Variants in SSBP2 observed in about 807,000 individuals in gnomAD.
SSBP2 encodes single-stranded DNA-binding protein 2.
Under a neutral mutation model 61.8 loss-of-function variants are expected in SSBP2, and 17 were observed. That is an observed-to-expected ratio of 0.28 (90% CI 0.19 to 0.41). SSBP2 has a LOEUF of 0.41. Among genes scored for constraint, SSBP2 ranks in the 10% least tolerant of loss-of-function variants. The pLI, the probability that SSBP2 is intolerant of heterozygous loss-of-function variation, is 1.00. For missense variants in SSBP2, 310 were observed against 458.7 expected (o/e 0.68, Z 2.96); for synonymous variants, 139 against 141.3 (o/e 0.98, Z 0.12).
At chr5:81,671,231 A>G (rs903458596) in intron 1 of SSBP2, among the ~76,000 whole-genome samples, 1 of 152,126 alleles carries the variant, frequency 6.6e-6, no homozygotes, top group African/African-American at 2.4e-5. Flanking sequence ...AAAAACCATT[A>G]TTTGGAGCTA....
chr5:81,745,968 G>A (rs941974482), intron 1 of SSBP2, among the ~76,000 whole-genome samples: 1 of 151,976 alleles, frequency 6.6e-6, no homozygotes, highest in African/African-American at 2.4e-5. Context: ...GGCATATTTG[G>A]TCTATTACTG....
chr5:81,693,369 C>T (rs1193431104), intron 1 of SSBP2, among the ~76,000 whole-genome samples: 1 of 152,074 alleles, frequency 6.6e-6, no homozygotes, highest in Non-Finnish European at 1.5e-5. Context: ...AAAGGACACA[C>T]TGAACAAAGT....
chr5:81,713,501 A>G (rs1295060338), intron 1 of SSBP2, among the ~76,000 whole-genome samples: 8 of 152,214 alleles, frequency 5.3e-5, no homozygotes, highest in East Asian at 1.9e-4. Flanking sequence ...TTGGATTCCA[A>G]ATCACTGCAG....
At chr5:81,628,251 G>A (rs1478791261) in intron 3 of SSBP2, among the ~76,000 whole-genome samples, 1 of 152,150 alleles carries the variant, frequency 6.6e-6, no homozygotes, top group Non-Finnish European at 1.5e-5. Flanking sequence ...GCTGAGCGAA[G>A]GGGGAAGCCC....
At chr5:81,482,390 C>T (rs1457346942) in intron 6 of SSBP2, among the ~76,000 whole-genome samples, 3 of 152,168 alleles carry the variant, frequency 2.0e-5, no homozygotes, top group African/African-American at 4.8e-5. Context: ...CTGACTATGG[C>T]TATGAAAGTT....
chr5:81,559,754 G>A (rs924198469), intron 4 of SSBP2, among the ~76,000 whole-genome samples: 1 of 151,456 alleles, frequency 6.6e-6, no homozygotes, highest in African/African-American at 2.4e-5. Flanking sequence ...ACATATTTAA[G>A]CCATTTTTAT....
chr5:81,438,579 C>T (rs939549741), intron 14 of SSBP2, among the ~76,000 whole-genome samples: 2 of 151,750 alleles, frequency 1.3e-5, no homozygotes, highest in Non-Finnish European at 2.9e-5. Context: ...TATTAAATAC[C>T]GAATGCATAT....
At chr5:81,491,828 T>C (rs998785306) in intron 5 of SSBP2, among the ~76,000 whole-genome samples, 9 of 152,168 alleles carry the variant, frequency 5.9e-5, no homozygotes, top group Non-Finnish European at 1.3e-4. Context: ...ACCTGAAATA[T>C]AAGATTACTA....
At chr5:81,659,424 A>G (rs889653001) in intron 1 of SSBP2, among the ~76,000 whole-genome samples, 2 of 152,188 alleles carry the variant, frequency 1.3e-5, no homozygotes, top group African/African-American at 4.8e-5. Flanking sequence ...CAACTGCTAC[A>G]AACAGAATAA....
chr5:81,679,682 C>T (rs1581326611), intron 1 of SSBP2, among the ~76,000 whole-genome samples: 1 of 152,080 alleles, frequency 6.6e-6, no homozygotes, highest in Non-Finnish European at 1.5e-5. Flanking sequence ...AAAATAAGAA[C>T]AAAGTACAAG....
rs185023592 is a variant in SSBP2, at chr5:81,746,799, G to A, written c.62+4182C>T. Among the ~76,000 whole-genome samples, 14 of 152,134 alleles carry A rather than the reference G, an allele frequency of 9.2e-5. No individual in the cohort carries two copies. In the East Asian group the frequency reaches 2.7e-3, roughly 29 times the overall value. ...GGTATATATTATGTGTATCTTTTAT[G>A]TTCAACTTTGCTTTCTAGCAGATTC... On this transcript the variant is annotated intron_variant, in intron 1 of 16. Coordinates refer to ENST00000320672, the MANE Select transcript of SSBP2 (RefSeq NM_012446.5).
intron 1 of SSBP2, among the ~76,000 whole-genome samples, chr5:81,726,618 A>G (rs1265712519): frequency 6.6e-6 from 1 of 152,150 alleles, no homozygotes; most frequent in Non-Finnish European, 1.5e-5. Flanking sequence ...AGAAAATTAA[A>G]TTCTATATAG....
chr5:81,749,361 G>T (rs1397444846), intron 1 of SSBP2, among the ~76,000 whole-genome samples: 1 of 152,106 alleles, frequency 6.6e-6, no homozygotes, highest in African/African-American at 2.4e-5. Flanking sequence ...TAAATCCTAT[G>T]GGAATTGAGT....
At chr5:81,688,588 G>C (rs1465617976) in intron 1 of SSBP2, among the ~76,000 whole-genome samples, 4 of 152,202 alleles carry the variant, frequency 2.6e-5, no homozygotes, top group African/African-American at 9.6e-5. Context: ...TTGTTTGGAA[G>C]AAAGTAAAGA....
At chr5:81,548,498 T>C (rs1218621978) in intron 4 of SSBP2, among the ~76,000 whole-genome samples, 1 of 152,214 alleles carries the variant, frequency 6.6e-6, no homozygotes, top group Non-Finnish European at 1.5e-5. Context: ...TATTCTATTA[T>C]GGATCTAATG....
At chr5:81,659,265 C>G (rs1403395593) in intron 1 of SSBP2, among the ~76,000 whole-genome samples, 1 of 152,150 alleles carries the variant, frequency 6.6e-6, no homozygotes, top group Non-Finnish European at 1.5e-5. Context: ...ATTTAGAAAA[C>G]TCCAGTGTCT....
intron 9 of SSBP2, among the ~76,000 whole-genome samples, chr5:81,465,481 C>T (rs1297613231): frequency 6.6e-6 from 1 of 151,902 alleles, no homozygotes; most frequent in East Asian, 1.9e-4. Flanking sequence ...CAATTTTTTT[C>T]TCTGAACAGG....
chr5:81,550,514 G>A (rs1181148617), intron 4 of SSBP2, among the ~76,000 whole-genome samples: 1 of 151,922 alleles, frequency 6.6e-6, no homozygotes, highest in African/African-American at 2.4e-5. Flanking sequence ...TTAAAAAGAG[G>A]GGCATGAAAA....
At chr5:81,644,077 A>G (rs1749055113) in intron 2 of SSBP2, among the ~76,000 whole-genome samples, 1 of 152,200 alleles carries the variant, frequency 6.6e-6, no homozygotes, top group Admixed American at 6.5e-5. Flanking sequence ...CCTCAGTTGC[A>G]CTAGCCATAT....
Sources: gnomAD v4.1 joint callset for allele counts (sites outside exome capture counted in the v4.1 genomes callset) on GRCh38, gnomAD v4.1.1 for gene constraint, MANE v1.5 for transcripts, NCBI Gene and HGNC (gene_info 2026-07-23, HGNC 2026-07-21) for gene names.